The following DDAH1 variants were observed in gnomAD, a reference collection of about 807,000 sequenced individuals.
DDAH1 encodes dimethylarginine dimethylaminohydrolase 1, also known as N(G),N(G)-dimethylarginine dimethylaminohydrolase 1.
In DDAH1, 19 loss-of-function variants were observed where a neutral mutation model predicts 28.8. The observed-to-expected ratio is 0.66, with a 90% CI of 0.46 to 0.97. The LOEUF is 0.97. Among genes scored for constraint, DDAH1 ranks in the 50% least tolerant of loss-of-function variants. DDAH1 has a pLI of 0.00. For synonymous variants in DDAH1, 153 were observed against 154.4 expected, an observed-to-expected ratio of 0.99 and a Z score of 0.07; for missense variants, 326 against 375.9, an observed-to-expected ratio of 0.87 and a Z score of 1.10.
intron 2 of DDAH1, among the ~76,000 whole-genome samples, chr1:85,486,074 G>C (rs1039605600): frequency 6.6e-6 from 1 of 152,170 alleles, no homozygotes; most frequent in Non-Finnish European, 1.5e-5. Flanking sequence ...AGTTTGCCCT[G>C]CTGTCACTCT....
intron 1 of DDAH1, among the ~76,000 whole-genome samples, chr1:85,406,818 T>A (rs1652427507): frequency 6.6e-6 from 1 of 152,108 alleles, no homozygotes; most frequent in Admixed American, 6.5e-5. Flanking sequence ...TTACATTCCT[T>A]TATTTCATGG....
intron 1 of DDAH1, among the ~76,000 whole-genome samples, chr1:85,398,205 TA>T: frequency 1.3e-5 from 2 of 152,264 alleles, no homozygotes; most frequent in East Asian, 3.9e-4. Flanking sequence ...TTTAAAAGTA[TA>T]ATCTGAGATT....
chr1:85,542,844 T>C (rs1295359836), intron 1 of DDAH1, among the ~76,000 whole-genome samples: 1 of 152,172 alleles, frequency 6.6e-6, no homozygotes, highest in Non-Finnish European at 1.5e-5. Flanking sequence ...AACAAACCTA[T>C]GTTGGTTGGC....
intron 1 of DDAH1, among the ~76,000 whole-genome samples, chr1:85,531,265 T>C (rs1190415896): frequency 6.6e-6 from 1 of 151,986 alleles, no homozygotes; most frequent in African/African-American, 2.4e-5. Flanking sequence ...ACTACACATT[T>C]AACCCCATCT....
At chr1:85,422,241 T>G (rs1028638023) in intron 1 of DDAH1, among the ~76,000 whole-genome samples, 11 of 152,190 alleles carry the variant, frequency 7.2e-5, no homozygotes, top group Admixed American at 4.6e-4. Context: ...TTTCCTACTT[T>G]TTAATTAGCC....
Position 85,319,656 on chromosome 1 carries a change from TGATGAGATG to T in DDAH1, c.*1787_*1795del, listed in dbSNP as rs1256312940. 3 of 152,230 alleles carry T rather than the reference TGATGAGATG, an allele frequency of 2.0e-5. No homozygotes were observed. The highest frequency in any genetic ancestry group is 7.2e-5 in the African/African-American group (3 of 41,458). 9.4% of individuals were successfully genotyped at this position (152,230 alleles called of 1,614,324 possible). ...CTGGTAAAAAGATATTATTCATCTC[TGATGAGATG>T]GTTCAAAATATGACAGTGACCAAGA... On this transcript the variant is annotated 3_prime_UTR_variant, in exon 6 of 6. Transcript: ENST00000284031.
intron 1 of DDAH1, among the ~76,000 whole-genome samples, chr1:85,510,029 C>A (rs1657168680): frequency 6.6e-6 from 1 of 152,016 alleles, no homozygotes; most frequent in African/African-American, 2.4e-5. Context: ...TTCTCGACAA[C>A]TCCAAGACAC....
rs1441404999 is a variant in DDAH1 at position 85,319,776 on chromosome 1, GA to G, written c.*1675del. 2.0e-5 allele frequency: 3 copies of G among 152,080 alleles called. No individual in the cohort carries two copies. The allele number at this position is 152,080 out of a possible 1,614,324, so 9.4% of individuals were successfully genotyped here. On this transcript the variant is annotated 3_prime_UTR_variant, in exon 6 of 6. Transcript: ENST00000284031. ...TAAGCAACAAGGAAGAGAAGGAGGA[GA>G]AAAAAACTTTTGCAAATTTCTGACA...
chr1:85,435,577 C>T (rs923413444), intron 1 of DDAH1, among the ~76,000 whole-genome samples: 6 of 151,990 alleles, frequency 3.9e-5, no homozygotes, highest in Non-Finnish European at 7.4e-5. Flanking sequence ...GTAAGTCCTA[C>T]GGAAAAGTAG....
At chr1:85,574,273 T>C (rs1340124668) in intron 1 of DDAH1, among the ~76,000 whole-genome samples, 1 of 152,214 alleles carries the variant, frequency 6.6e-6, no homozygotes, top group Non-Finnish European at 1.5e-5. Context: ...CACTTGAGTG[T>C]GTGTCCTCTG....
chr1:85,336,431 A>C (rs1456392257), intron 4 of DDAH1, among the ~76,000 whole-genome samples: 1 of 152,178 alleles, frequency 6.6e-6, no homozygotes, highest in Non-Finnish European at 1.5e-5. Flanking sequence ...CATGCTCCTG[A>C]ATGACTACAA....
chr1:85,527,309 A>C (rs1657906157), intron 1 of DDAH1, among the ~76,000 whole-genome samples: 1 of 151,004 alleles, frequency 6.6e-6, no homozygotes, highest in African/African-American at 2.4e-5. Context: ...CTGCCAGCGA[A>C]AGGCTTGTGC....
At chr1:85,524,299 G>C (rs1384878654) in intron 1 of DDAH1, among the ~76,000 whole-genome samples, 4 of 37,120 alleles carry the variant, frequency 1.1e-4, no homozygotes, top group Non-Finnish European at 3.0e-4. Context: ...TGTGGGAGTT[G>C]AGAGGATGGA....
At chr1:85,435,924 G>A (rs1032683159) in intron 1 of DDAH1, among the ~76,000 whole-genome samples, 2 of 151,652 alleles carry the variant, frequency 1.3e-5, no homozygotes, top group African/African-American at 4.9e-5. Context: ...CCGAGTAGCT[G>A]GGACTACTGG....
intron 1 of DDAH1, among the ~76,000 whole-genome samples, chr1:85,374,144 T>C (rs1254417127): frequency 6.6e-6 from 1 of 152,124 alleles, no homozygotes; most frequent in Non-Finnish European, 1.5e-5. Context: ...GGAAGCTGTA[T>C]TACCAGAGTC....
At chr1:85,391,216 T>C (rs374204134) in intron 1 of DDAH1, among the ~76,000 whole-genome samples, 1 of 152,178 alleles carries the variant, frequency 6.6e-6, no homozygotes, top group Non-Finnish European at 1.5e-5. Context: ...ATTCAGGAAG[T>C]AATCCCTGAG....
chr1:85,526,574 T>C, intron 1 of DDAH1, among the ~76,000 whole-genome samples: 1 of 151,662 alleles, frequency 6.6e-6, no homozygotes. Context: ...TAGGGTTTTG[T>C]GATTCTGAGA....
rs189497947 is a variant in DDAH1, at chr1:85,435,837, T to C, written c.303+28906A>G. 1.4e-3 allele frequency among the ~76,000 whole-genome samples: 215 copies of C among 152,272 alleles called. 4 individuals carry two copies. Among genetic ancestry groups the C allele is most frequent in the Non-Finnish European group, 5.1e-4 (35 of 68,020 alleles). On this transcript the variant is annotated intron_variant, in intron 1 of 5. Coordinates refer to ENST00000284031, the MANE Select transcript of DDAH1 (RefSeq NM_012137.4). ...TCTTTCTCTCTCTCTGTTGCCCAGG[T>C]TGGAATACAGTGGCACAATCTCATC...
intron 5 of DDAH1, among the ~76,000 whole-genome samples, chr1:85,323,975 A>AG (rs1661460414): frequency 6.6e-6 from 1 of 151,038 alleles, no homozygotes; most frequent in Non-Finnish European, 1.5e-5. Context: ...TCTCAAAAAA[A>AG]AAAAAAAAAA....
Sources: allele counts gnomAD v4.1 joint callset (sites outside exome capture counted in the v4.1 genomes callset), GRCh38; gene constraint gnomAD v4.1.1; transcripts MANE v1.5; gene names NCBI Gene and HGNC (gene_info 2026-07-23, HGNC 2026-07-21).